CELF2: variants seen among roughly 807,000 people sequenced by gnomAD.
CELF2 encodes CUGBP Elav-like family member 2, also known as CUG triplet repeat RNA-binding protein 2.
CELF2 carries 8 observed loss-of-function variants against 62.6 expected under a neutral mutation model. The observed-to-expected ratio is 0.13, with a 90% CI of 0.07 to 0.23. CELF2 has a LOEUF of 0.23. Among genes scored for constraint, CELF2 ranks in the 10% least tolerant of loss-of-function variants. CELF2 has a pLI of 1.00. For synonymous variants in CELF2, 258 were observed against 250.0 expected, an observed-to-expected ratio of 1.03 and a Z score of -0.30; for missense variants, 333 against 671.0, an observed-to-expected ratio of 0.50 and a Z score of 5.56.
At chr10:10,471,281 GTTTGT>G in the CELF2 span, among the ~76,000 whole-genome samples, 27 of 151,386 alleles carry the variant, frequency 1.8e-4, no homozygotes, top group African/African-American at 6.1e-4. Context: ...TTTTCCTACT[GTTTGT>G]TTTGTTTTGT....
rs144512658 is a variant in CELF2, at chr10:10,907,062, A to G, written c.54-12902A>G. ...TTCCCAAAATCTGGATCAAGAAAAC[A>G]TACTCTACAAATATAGCATTTCCTT... On this transcript the variant is annotated intron_variant, in intron 1 of 13. Coordinates refer to the CELF2 transcript ENST00000636488. Among the ~76,000 whole-genome samples, 492 of 152,242 alleles carry G rather than the reference A, an allele frequency of 3.2e-3. 2 individuals are homozygous for G. The highest frequency in any genetic ancestry group is 0.01 in the African/African-American group (426 of 41,540).
rs184376852 is a variant in CELF2, at chr10:11,237,874, G to A, written c.355-11279G>A. On this transcript the variant is annotated intron_variant, in intron 3 of 12. Transcript: ENST00000633077. The surrounding 1 kb of genome is among the most constrained non-coding windows in gnomAD (Gnocchi z 4.0). ...AAAATATGAGAGAATACTGTTTGTC[G>A]GTATATGTTATTGAAAGTAATGGTA... 1.3e-5 allele frequency among the ~76,000 whole-genome samples: 2 copies of A among 152,274 alleles called. No individual in the cohort carries two copies. Among genetic ancestry groups the A allele is most frequent in the East Asian group, 1.9e-4 (1 of 5,188 alleles).
rs1385203457 is a variant in CELF2, at chr10:10,983,443, A to G, written c.89+63444A>G. ...TCTTTGAGAAGCAAAGAGTAAACAC[A>G]TATATAACATGGTTCTAGTTCTTGT... On this transcript the variant is annotated intron_variant, in intron 2 of 13. Transcript: ENST00000636488. The surrounding 1 kb of genome is among the most constrained non-coding windows in gnomAD (Gnocchi z 5.2). Among the ~76,000 whole-genome samples the G allele has an allele frequency of 6.6e-6, 1 of 152,226 alleles. No individual in the cohort carries two copies. Among genetic ancestry groups the G allele is most frequent in the Non-Finnish European group, 1.5e-5 (1 of 68,044 alleles).
rs777408055 is a variant in CELF2 at position 11,247,245 on chromosome 10, A to G, written c.355-1908A>G. ...ACAAAATTTCAGTTCCTTAGCTTGCAAGACCCTCTGAGAGCTGGGTGTTGC... is the reference window on the plus strand; with the variant it reads ...ACAAAATTTCAGTTCCTTAGCTTGCGAGACCCTCTGAGAGCTGGGTGTTGC... On this transcript the variant is annotated intron_variant, in intron 3 of 12. Transcript: ENST00000633077. The surrounding 1 kb of genome is among the most constrained non-coding windows in gnomAD (Gnocchi z 5.4). 2.4e-4 allele frequency among the ~76,000 whole-genome samples: 37 copies of G among 152,194 alleles called. No individual in the cohort carries two copies. The highest frequency in any genetic ancestry group is 4.7e-4 in the Non-Finnish European group (32 of 68,032).
chr10:11,051,901 C>CTTTTTTTT (rs10711238), intron 1 of CELF2, among the ~76,000 whole-genome samples: 1 of 122,500 alleles, frequency 8.2e-6, no homozygotes. Flanking sequence ...ATTGTTAATA[C>CTTTTTTTT]TTTTTTTTTT....
the CELF2 span, among the ~76,000 whole-genome samples, chr10:10,519,590 G>A: frequency 6.6e-6 from 1 of 152,208 alleles, no homozygotes; most frequent in Non-Finnish European, 1.5e-5. Flanking sequence ...TGCCTGCAAT[G>A]TTCCTGTCGG....
chr10:11,153,950 G>C (rs931255119), intron 1 of CELF2, among the ~76,000 whole-genome samples: 3 of 152,212 alleles, frequency 2.0e-5, no homozygotes, highest in African/African-American at 7.2e-5. Flanking sequence ...AGTGGGTCCA[G>C]AATGAATTAA....
At position 11,314,444 on chromosome 10, in the gene CELF2, C is replaced by A; in HGVS notation, c.1096+186C>A. On this transcript the variant is annotated intron_variant, in intron 10 of 12. Transcript: ENST00000633077. The surrounding 1 kb of genome is among the most constrained non-coding windows in gnomAD (Gnocchi z 5.3). ...CACTCGTTTTGCCTCAGAAAATCCC[C>A]AACCACTCTCCACCCCCAGATTCTC... is the stretch of plus-strand genomic sequence containing the variant. 1 of 718,736 alleles carries A rather than the reference C, an allele frequency of 1.4e-6. No homozygotes were observed. The highest frequency in any genetic ancestry group is 2.4e-6 in the Non-Finnish European group (1 of 409,054). The allele number at this position is 718,736 out of a possible 1,614,324, so 44.5% of individuals were successfully genotyped here. A position where few individuals can be genotyped will look rare whatever the true frequency, so the allele number is the denominator to read the frequency against.
upstream of CELF2, among the ~76,000 whole-genome samples, chr10:11,000,756 T>C (rs142624369): frequency 1.3e-5 from 2 of 152,378 alleles, no homozygotes; most frequent in East Asian, 3.9e-4. Flanking sequence ...GTCAGTATTA[T>C]GTTTCAGGTA....
chr10:10,600,620 A>G, the CELF2 span, among the ~76,000 whole-genome samples: 3 of 152,212 alleles, frequency 2.0e-5, no homozygotes, highest in Admixed American at 1.3e-4. Context: ...AGACAAACAT[A>G]ATAATCCAAA....
At chr10:11,234,679 C>CAAAAAAA (rs11387214) in intron 3 of CELF2, among the ~76,000 whole-genome samples, 1 of 83,252 alleles carries the variant, frequency 1.2e-5, no homozygotes. Context: ...GACTCCATCT[C>CAAAAAAA]AAAAAAAAAA....
chr10:11,017,225 A>G (rs1489723081), upstream of CELF2, among the ~76,000 whole-genome samples: 1 of 152,250 alleles, frequency 6.6e-6, no homozygotes, highest in East Asian at 1.9e-4. This position sits in a 1 kb window ranked among gnomAD's most constrained non-coding sequence, Gnocchi z 5.5. Context: ...ACACTCGTGA[A>G]TTCACTCAGC....
chr10:10,796,542 C>CT (rs1238603399), upstream of CELF2, among the ~76,000 whole-genome samples: 1 of 152,236 alleles, frequency 6.6e-6, no homozygotes, highest in South Asian at 2.1e-4. Flanking sequence ...ACCCTGAACT[C>CT]TAAGTGTTAA....
chr10:10,996,644 C>T (rs961769334), intron 2 of CELF2, among the ~76,000 whole-genome samples: 10 of 152,230 alleles, frequency 6.6e-5, no homozygotes, highest in African/African-American at 2.4e-4. Context: ...TACTTTCTTA[C>T]TCCAACTAGG....
chr10:11,209,528 G>C (rs2061272228), intron 2 of CELF2, among the ~76,000 whole-genome samples: 1 of 151,306 alleles, frequency 6.6e-6, no homozygotes, highest in Non-Finnish European at 1.5e-5. Context: ...CAAGATGCTA[G>C]GGGTATAAAT....
At chr10:10,881,790 T>C (rs1453290186) in intron 1 of CELF2, among the ~76,000 whole-genome samples, 2 of 152,204 alleles carry the variant, frequency 1.3e-5, no homozygotes, top group African/African-American at 4.8e-5. Context: ...TTGTTATGCA[T>C]ATGCCAGACA....
Position 11,006,156 on chromosome 10 carries a change from A to G in CELF2, c.53+716A>G, listed in dbSNP as rs180989719. On this transcript the variant is annotated intron_variant, in intron 1 of 12. Transcript: ENST00000416382. ...GTCTTTTGTTTATTTGCTAGCAGAC[A>G]TTGTAGCACTGAATACATCTTTGGG... is the stretch of plus-strand genomic sequence containing the variant. Among the ~76,000 whole-genome samples, 33 of 152,326 alleles carry G rather than the reference A, an allele frequency of 2.2e-4. No homozygotes were observed. The East Asian group carries it at 5.4e-3, about 25-fold the overall frequency.
the CELF2 span, among the ~76,000 whole-genome samples, chr10:10,539,447 G>C: frequency 0.75 from 96,639 of 128,414 alleles, 35,847 homozygotes; most frequent in East Asian, 0.89. Context: ...CAACCCCACC[G>C]CCACCCCACC....
chr10:10,831,011 G>A (rs545638362), intron 1 of CELF2, among the ~76,000 whole-genome samples: 1 of 152,282 alleles, frequency 6.6e-6, no homozygotes, highest in East Asian at 1.9e-4. Flanking sequence ...TAGCTTAAAT[G>A]TTGGGTTTGT....
Sources: allele counts gnomAD v4.1 joint callset (sites outside exome capture counted in the v4.1 genomes callset), GRCh38; gene constraint gnomAD v4.1.1; non-coding constraint Gnocchi (gnomAD v3.1); transcripts MANE v1.5; gene names NCBI Gene and HGNC (gene_info 2026-07-23, HGNC 2026-07-21).